AFF2: variants seen among roughly 807,000 people sequenced by gnomAD.
The protein encoded by AFF2 is AF4/FMR2 family member 2.
In AFF2, 14 loss-of-function variants were observed where a neutral mutation model predicts 76.9. That is an observed-to-expected ratio of 0.18 (90% CI 0.12 to 0.28). AFF2 has a LOEUF of 0.28. AFF2 is among the 10% of genes least tolerant of loss of function. AFF2 has a pLI of 1.00. For synonymous variants in AFF2, 398 were observed against 366.7 expected (o/e 1.09, Z -0.98); for missense variants, 868 against 1,001.1 (o/e 0.87, Z 1.79).
At chrX:148,552,730 G>C in intron 1 of AFF2, among the ~76,000 whole-genome samples, 1 of 112,358 alleles carries the variant, frequency 8.9e-6, no homozygotes, top group East Asian at 2.8e-4. Flanking sequence ...AGCACAGATA[G>C]ATGCCTTTGC....
chrX:148,885,812 T>G, intron 7 of AFF2, 77 bp from the exon 8 acceptor site: 1 of 862,904 alleles, frequency 1.2e-6, no homozygotes. Context: ...AATACTTTAT[T>G]CTCATTGCAA....
chrX:148,854,780 A>G (rs1412507153), intron 7 of AFF2, among the ~76,000 whole-genome samples: 2 of 111,883 alleles, frequency 1.8e-5, no homozygotes, highest in Admixed American at 1.9e-4. Context: ...TCCTTTGTGC[A>G]TGTCTTTCCC....
At chrX:148,787,010 C>T (rs2069829875) in intron 3 of AFF2, among the ~76,000 whole-genome samples, 1 of 112,083 alleles carries the variant, frequency 8.9e-6, no homozygotes. Flanking sequence ...TGATTATATA[C>T]ATGCAAAGTA....
At chrX:148,546,489 A>G (rs1279268879) in intron 1 of AFF2, among the ~76,000 whole-genome samples, 1 of 112,408 alleles carries the variant, frequency 8.9e-6, no homozygotes, top group African/African-American at 3.2e-5. Context: ...TGACTGTCAT[A>G]TGCTTTCTTT....
intron 4 of AFF2, among the ~76,000 whole-genome samples, chrX:148,836,305 C>G (rs1223428289): frequency 8.9e-6 from 1 of 111,979 alleles, no homozygotes; most frequent in African/African-American, 3.2e-5. Flanking sequence ...CTTACAAATT[C>G]TGCTTCAGCA....
chrX:148,770,345 A>G (rs1603297851), intron 3 of AFF2, among the ~76,000 whole-genome samples: 1 of 111,773 alleles, frequency 8.9e-6, no homozygotes, highest in African/African-American at 3.3e-5. Flanking sequence ...CCTGAATTTG[A>G]AAACTGATAT....
At chrX:148,624,544 A>G (rs1356175838) in intron 1 of AFF2, among the ~76,000 whole-genome samples, 1 of 112,326 alleles carries the variant, frequency 8.9e-6, no homozygotes, top group Non-Finnish European at 1.9e-5. Context: ...GTATAGATAT[A>G]CTTCTTATTG....
intron 3 of AFF2, among the ~76,000 whole-genome samples, chrX:148,703,712 A>G (rs1349185528): frequency 9.0e-6 from 1 of 111,387 alleles, no homozygotes; most frequent in Non-Finnish European, 1.9e-5. Flanking sequence ...TCTTCTTGCT[A>G]CCTATGCTAA....
chrX:148,955,851 G>A lies in AFF2; in HGVS notation c.1806G>A (p.Gln602=). Residue 602 remains glutamine, a synonymous_variant, in exon 11 of 21, where the codon CAG becomes CAA. Transcript: ENST00000370460. ...AGAAAGCCCGTCCACGGCCCACTCAGAAAATTCCAGAAACAAAGGCTTTGA... is the reference window on the plus strand; with the variant it reads ...AGAAAGCCCGTCCACGGCCCACTCAAAAAATTCCAGAAACAAAGGCTTTGA... The part of the protein sequence containing the change: ...IREKARPRPT[Q]KIPETKALKH... The A allele has an allele frequency of 1.7e-6, 2 of 1,211,425 alleles. No individual in the cohort carries two copies. The highest frequency in any genetic ancestry group is 2.2e-6 in the Non-Finnish European group (2 of 895,490).
intron 1 of AFF2, among the ~76,000 whole-genome samples, chrX:148,618,742 C>A (rs1557250851): frequency 1.8e-5 from 2 of 111,906 alleles, no homozygotes; most frequent in African/African-American, 6.5e-5. Context: ...GCATGGTTAT[C>A]ATTTTCTTAT....
chrX:148,742,114 T>C (rs1409249834), intron 3 of AFF2, among the ~76,000 whole-genome samples: 1 of 111,870 alleles, frequency 8.9e-6, no homozygotes, highest in Admixed American at 9.5e-5. Context: ...TGCTAGCCTC[T>C]GCATGCTGCT....
chrX:148,749,634 G>A (rs940846699), intron 3 of AFF2, among the ~76,000 whole-genome samples: 13 of 111,246 alleles, frequency 1.2e-4, no homozygotes, highest in Non-Finnish European at 1.7e-4. Flanking sequence ...AATATTCCAA[G>A]GCCATATGGT....
intron 3 of AFF2, among the ~76,000 whole-genome samples, chrX:148,716,709 A>G (rs1233523478): frequency 9.0e-6 from 1 of 110,890 alleles, no homozygotes; most frequent in African/African-American, 3.3e-5. Context: ...ATCTATATAT[A>G]CTCTTACATA....
intron 4 of AFF2, among the ~76,000 whole-genome samples, chrX:148,833,329 A>C (rs1557273504): frequency 1.8e-5 from 2 of 111,637 alleles, no homozygotes; most frequent in Non-Finnish European, 3.8e-5. Flanking sequence ...CTGGCTTATA[A>C]TGGCTACACA....
chrX:148,900,783 A>G (rs2071345333), intron 8 of AFF2, among the ~76,000 whole-genome samples: 1 of 112,136 alleles, frequency 8.9e-6, no homozygotes, highest in Non-Finnish European at 1.9e-5. Flanking sequence ...TGTAGAATCT[A>G]AACATATCAA....
At chrX:148,831,372 G>T (rs1037429196) in intron 4 of AFF2, among the ~76,000 whole-genome samples, 1 of 112,210 alleles carries the variant, frequency 8.9e-6, no homozygotes, top group African/African-American at 3.2e-5. Flanking sequence ...CACAATTTAC[G>T]TTCAGAGACT....
intron 3 of AFF2, among the ~76,000 whole-genome samples, chrX:148,736,384 T>C (rs1557265079): frequency 8.9e-6 from 1 of 112,436 alleles, no homozygotes; most frequent in African/African-American, 3.2e-5. Context: ...TTGAGCATTT[T>C]TTTCATATGT....
intron 3 of AFF2, among the ~76,000 whole-genome samples, chrX:148,728,604 G>A (rs1295740713): frequency 1.4e-4 from 16 of 112,324 alleles, no homozygotes; most frequent in Middle Eastern, 4.6e-3. Flanking sequence ...TATTTTTTCC[G>A]ATGAATATGC....
Position 148,962,859 on chromosome X carries a change from G to T in AFF2, c.2835G>T (p.Met945Ile). 3.3e-6 allele frequency: 4 copies of T among 1,210,832 alleles called. No homozygotes were observed. The highest frequency in any genetic ancestry group is 4.5e-6 in the Non-Finnish European group (4 of 894,531). The change falls in exon 13 of 21, where the codon ATG becomes ATT. Residue 945 changes from methionine (M) to isoleucine (I), a missense_variant. Met to Ile is a conservative substitution (Grantham distance 10). Transcript: ENST00000370460. Reference protein sequence around the residue: ...GPFGQDKNIAMTGQITSTKPK... With the variant: ...GPFGQDKNIAITGQITSTKPK... ...TTGGTCAAGACAAAAACATCGCCAT[G>T]ACTGGACAAATCACATCTACCAAAC...
Sources: allele counts gnomAD v4.1 joint callset (sites outside exome capture counted in the v4.1 genomes callset), GRCh38; gene constraint gnomAD v4.1.1; transcripts MANE v1.5; gene names NCBI Gene and HGNC (gene_info 2026-07-23, HGNC 2026-07-21).